Variants in CCDC141 observed in about 807,000 individuals in gnomAD.
CCDC141 encodes the protein coiled-coil domain containing 141.
In CCDC141, 168 loss-of-function variants were observed where a neutral mutation model predicts 181.0. That is an observed-to-expected ratio of 0.93 (90% confidence interval 0.82 to 1.05). The LOEUF (loss-of-function observed/expected upper bound fraction) is 1.05, where lower values mean the gene tolerates loss of function less well. Among genes scored for constraint, CCDC141 ranks in the 50% least tolerant of loss-of-function variants. The probability of loss-of-function intolerance (pLI) is 0.00; values close to 1 mark genes in which losing one functional copy is unlikely to be tolerated. For missense variants in CCDC141, 1,902 were observed against 1,788.5 expected, an observed-to-expected ratio of 1.06 and a Z score of -1.14; for synonymous variants, 666 against 642.3, an observed-to-expected ratio of 1.04 and a Z score of -0.56.
intron 5 of CCDC141, among the ~76,000 whole-genome samples, chr2:178,959,433 G>A (rs905123242): frequency 2.6e-5 from 4 of 152,130 alleles, no homozygotes; most frequent in East Asian, 1.9e-4. Flanking sequence ...GACAGACAGC[G>A]AGGAGCAAGT....
At chr2:178,960,668 T>C (rs1048141857) in intron 5 of CCDC141, among the ~76,000 whole-genome samples, 2 of 152,188 alleles carry the variant, frequency 1.3e-5, no homozygotes, top group African/African-American at 4.8e-5. Context: ...CCATCAGAAA[T>C]GTGCCTGCAG....
Position 179,047,340 on chromosome 2 carries a change from G to C in CCDC141, c.169C>G (p.Gln57Glu). The change falls in exon 2 of 24, where the codon CAA (glutamine) becomes GAA (glutamate). Residue 57 changes from glutamine (Q) to glutamate (E), a missense_variant. Transcript: ENST00000443758. The part of the protein sequence containing the change: ...QPNLLEIGSS[Q>E]DETKKLLHDH... ...TGAAGAAGTTTTTTGGTTTCATCTT[G>C]ACTGCTGCCAATTTCTAGAAGATTG... 6.5e-7 allele frequency: 1 copy of C among 1,542,756 alleles called. No individual in the cohort carries two copies. Among genetic ancestry groups the C allele is most frequent in the Non-Finnish European group, 8.7e-7 (1 of 1,144,566 alleles).
chr2:178,961,555 C>T (rs910140400), intron 4 of CCDC141, 72 bp from the exon 5 acceptor site: 7 of 1,141,868 alleles, frequency 6.1e-6, no homozygotes, highest in Non-Finnish European at 8.5e-6. Flanking sequence ...TCAGACTCTT[C>T]ATAATTTAAA....
At chr2:178,955,673 T>A (rs1161910739) in intron 5 of CCDC141, among the ~76,000 whole-genome samples, 1 of 152,222 alleles carries the variant, frequency 6.6e-6, no homozygotes, top group East Asian at 1.9e-4. Flanking sequence ...TGTGTGCCTA[T>A]GACTATGCTC....
intron 7 of CCDC141, among the ~76,000 whole-genome samples, chr2:178,913,289 C>T (rs1034825119): frequency 1.3e-5 from 2 of 152,182 alleles, no homozygotes; most frequent in Non-Finnish European, 2.9e-5. Context: ...AATTATGAAA[C>T]TGAAAGTAAT....
intron 2 of CCDC141, among the ~76,000 whole-genome samples, chr2:179,008,017 G>A (rs1559043596): frequency 6.6e-6 from 1 of 152,154 alleles, no homozygotes; most frequent in Non-Finnish European, 1.5e-5. Flanking sequence ...GATGACTGAT[G>A]TCATCGTCTA....
chr2:178,897,039 C>T (rs537073413), intron 8 of CCDC141, among the ~76,000 whole-genome samples: 29 of 152,142 alleles, frequency 1.9e-4, no homozygotes, highest in African/African-American at 6.7e-4. Context: ...CTGTTCCACT[C>T]ATCTCCTAGC....
chr2:179,033,907 A>G (rs539600432), intron 2 of CCDC141, among the ~76,000 whole-genome samples: 1 of 152,312 alleles, frequency 6.6e-6, no homozygotes, highest in South Asian at 2.1e-4. Flanking sequence ...GAATTTATCT[A>G]TGTCACAAGT....
intron 21 of CCDC141, among the ~76,000 whole-genome samples, chr2:178,846,174 A>T (rs1684932029): frequency 6.6e-6 from 1 of 152,232 alleles, no homozygotes; most frequent in Non-Finnish European, 1.5e-5. Flanking sequence ...AATACTGGGG[A>T]GACTCTTGAA....
At chr2:178,915,365 A>G (rs996172943) in intron 7 of CCDC141, among the ~76,000 whole-genome samples, 1 of 152,244 alleles carries the variant, frequency 6.6e-6, no homozygotes, top group Non-Finnish European at 1.5e-5. Flanking sequence ...TCAAAAAAGT[A>G]AAAAGTATAT....
At position 178,905,381 on chromosome 2, in the gene CCDC141, T is replaced by C. The variant is rs1179330512; in HGVS notation, c.1213A>G (p.Thr405Ala). 1.3e-6 allele frequency: 2 copies of C among 1,550,654 alleles called. No individual in the cohort carries two copies. Among genetic ancestry groups the C allele is most frequent in the East Asian group, 2.4e-5 (1 of 40,908 alleles). ...GTTTGTCCCTTTTGCAAAGCATCAG[T>C]TGTGCAGTCTTTAATTTTTCTGTGT... ...ELHRKIKDCT[T>A]DALQKGQTLI... The change falls in exon 8 of 24, where the codon ACT becomes GCT. Residue 405 changes from threonine (T) to alanine (A), a missense_variant. Coordinates refer to ENST00000443758, the MANE Select transcript of CCDC141 (RefSeq NM_173648.4).
At chr2:178,864,195 A>T (rs1269380443) in intron 17 of CCDC141, among the ~76,000 whole-genome samples, 2 of 152,220 alleles carry the variant, frequency 1.3e-5, no homozygotes, top group East Asian at 3.9e-4. Flanking sequence ...TTACAAATAG[A>T]AGTAGAGGAG....
chr2:178,937,844 G>A (rs1426919208), intron 6 of CCDC141, among the ~76,000 whole-genome samples: 1 of 151,504 alleles, frequency 6.6e-6, no homozygotes, highest in African/African-American at 2.4e-5. Context: ...TTTTAGGTCT[G>A]TATAGAGGTG....
At chr2:178,946,066 T>G (rs1689720425) in intron 5 of CCDC141, among the ~76,000 whole-genome samples, 1 of 152,212 alleles carries the variant, frequency 6.6e-6, no homozygotes, top group Admixed American at 6.5e-5. Flanking sequence ...AACCAGCATT[T>G]TAGCCCATCA....
chr2:178,878,381 C>T (rs1000309884), intron 11 of CCDC141, among the ~76,000 whole-genome samples: 2 of 151,408 alleles, frequency 1.3e-5, no homozygotes, highest in Admixed American at 1.3e-4. Context: ...GCACTGCAGC[C>T]CCAAACTCTT....
At chr2:178,825,624 AC>A (rs935732345), downstream of CCDC141, 4 of 67,996 alleles carry the variant, frequency 5.9e-5, no homozygotes, top group African/African-American at 2.4e-4. Flanking sequence ...CCCACCCCCC[AC>A]CCCCCACCAA....
At chr2:178,954,823 C>A (rs72961272) in intron 5 of CCDC141, among the ~76,000 whole-genome samples, 24,436 of 149,650 alleles carry the variant, frequency 0.16, 2,027 homozygotes, top group Middle Eastern at 0.21. Flanking sequence ...AAAAAAAAAA[C>A]CAAAAAACTT....
chr2:178,931,836 T>C (rs569886540), intron 6 of CCDC141, among the ~76,000 whole-genome samples: 11 of 152,306 alleles, frequency 7.2e-5, no homozygotes, highest in Admixed American at 3.3e-4. Flanking sequence ...GCCCATATTA[T>C]GTTGTGTTTC....
chr2:178,895,035 C>T (rs1687340820), intron 8 of CCDC141, among the ~76,000 whole-genome samples: 1 of 152,066 alleles, frequency 6.6e-6, no homozygotes, highest in African/African-American at 2.4e-5. Flanking sequence ...CTACTCTACC[C>T]CACATTAGTA....
Sources: gnomAD v4.1 joint callset for allele counts (sites outside exome capture counted in the v4.1 genomes callset) on GRCh38, gnomAD v4.1.1 for gene constraint, MANE v1.5 for transcripts, NCBI Gene and HGNC (gene_info 2026-07-23, HGNC 2026-07-21) for gene names.